Variants in SAP30BP observed in about 807,000 individuals in gnomAD.
The protein encoded by SAP30BP is SAP30-binding protein.
In SAP30BP, 31 loss-of-function variants were observed where a neutral mutation model predicts 46.3. The observed-to-expected ratio is 0.67, with a 90% CI of 0.50 to 0.90. The LOEUF (loss-of-function observed/expected upper bound fraction) is 0.90. SAP30BP is among the 40% of genes least tolerant of loss of function. The pLI is 0.00. For synonymous variants in SAP30BP, 169 were observed against 144.2 expected (o/e 1.17, Z -1.23); for missense variants, 312 against 391.0 (o/e 0.80, Z 1.70).
intron 3 of SAP30BP, chr17:75,672,172 T>C: frequency 2.7e-6 from 1 of 368,086 alleles, no homozygotes; most frequent in Non-Finnish European, 5.2e-6. Flanking sequence ...TAAGTGTCAC[T>C]GCCCTGCAGG....
At chr17:75,681,131 T>TA (rs2060069528) in intron 3 of SAP30BP, among the ~76,000 whole-genome samples, 1 of 152,196 alleles carries the variant, frequency 6.6e-6, no homozygotes, top group African/African-American at 2.4e-5. Context: ...AGTAGCTGCT[T>TA]AAAAAAATAA....
At chr17:75,680,449 GC>G (rs2148385571) in intron 3 of SAP30BP, among the ~76,000 whole-genome samples, 1 of 152,324 alleles carries the variant, frequency 6.6e-6, no homozygotes, top group Non-Finnish European at 1.5e-5. Flanking sequence ...CCCTGGCCTG[GC>G]TTCCCTCTGG....
rs868412342 is a variant in SAP30BP at position 75,698,981 on chromosome 17, C to T, written c.308-802C>T. 2.6e-5 allele frequency among the ~76,000 whole-genome samples: 4 copies of T among 152,216 alleles called. No homozygotes were observed. The Middle Eastern group carries it at 0.01, about 388-fold the overall frequency. ...GCTGAGGCTGGAGGATGGCTTGATC[C>T]AACAGTTCAAGACCAGCCTGGGCAA... On this transcript the variant is annotated intron_variant, in intron 4 of 10. Coordinates refer to ENST00000584667, the MANE Select transcript of SAP30BP (RefSeq NM_013260.8).
intron 3 of SAP30BP, among the ~76,000 whole-genome samples, chr17:75,677,287 TAG>T (rs2060005628): frequency 6.6e-6 from 1 of 151,742 alleles, no homozygotes; most frequent in East Asian, 1.9e-4. Flanking sequence ...GTGTTTTTAG[TAG>T]AGACAGGGTT....
intron 3 of SAP30BP, among the ~76,000 whole-genome samples, chr17:75,688,673 G>A (rs1479070210): frequency 2.0e-5 from 3 of 152,152 alleles, no homozygotes; most frequent in African/African-American, 7.2e-5. Flanking sequence ...TCAGGACTTG[G>A]TACTTCTCTG....
chr17:75,699,531 T>A (rs1413945129), intron 4 of SAP30BP, among the ~76,000 whole-genome samples: 1 of 150,462 alleles, frequency 6.6e-6, no homozygotes, highest in African/African-American at 2.4e-5. Context: ...AACGGAAAAG[T>A]TAACTGCTGT....
At chr17:75,675,932 T>A (rs2059983277) in intron 3 of SAP30BP, among the ~76,000 whole-genome samples, 1 of 152,036 alleles carries the variant, frequency 6.6e-6, no homozygotes, top group Non-Finnish European at 1.5e-5. Context: ...AACAAACCTA[T>A]TACATATTAA....
intron 3 of SAP30BP, among the ~76,000 whole-genome samples, chr17:75,675,580 A>G (rs766711283): frequency 6.6e-6 from 1 of 152,168 alleles, no homozygotes; most frequent in Admixed American, 6.5e-5. Context: ...TTACTATTTT[A>G]TAAGTTAAAA....
intron 4 of SAP30BP, among the ~76,000 whole-genome samples, chr17:75,693,946 G>C (rs2060276630): frequency 6.6e-6 from 1 of 152,158 alleles, no homozygotes; most frequent in Non-Finnish European, 1.5e-5. Context: ...TTTGTGATTT[G>C]GGAGGAGCAG....
rs200919459 is a variant in SAP30BP, at chr17:75,699,872, G to A, written c.396+1G>A. ...TGGCAGATGTTCAAATCACTTGCAA[G>A]TAAGCATGAGACTCGGCTACTGAGG... is the stretch of plus-strand genomic sequence containing the variant. On this transcript the variant is annotated splice_donor_variant, in intron 5 of 10. Transcript: ENST00000584667. LOFTEE classifies it high-confidence loss of function. 378 of 1,608,388 alleles carry A rather than the reference G, an allele frequency of 2.4e-4. No individual in the cohort carries two copies. Among genetic ancestry groups the A allele is most frequent in the Non-Finnish European group, 3.6e-5 (42 of 1,174,954 alleles).
chr17:75,681,553 T>C (rs1010567804), intron 3 of SAP30BP, among the ~76,000 whole-genome samples: 6 of 152,232 alleles, frequency 3.9e-5, no homozygotes, highest in Non-Finnish European at 8.8e-5. Flanking sequence ...GAATCAAATA[T>C]CTGAAAACTG....
At chr17:75,676,067 T>C (rs1413503781) in intron 3 of SAP30BP, among the ~76,000 whole-genome samples, 1 of 152,272 alleles carries the variant, frequency 6.6e-6, no homozygotes, top group Admixed American at 6.5e-5. Flanking sequence ...TGGGTACATA[T>C]AACTGCTTTT....
At chr17:75,690,130 T>A (rs2060220654) in intron 3 of SAP30BP, among the ~76,000 whole-genome samples, 1 of 152,232 alleles carries the variant, frequency 6.6e-6, no homozygotes, top group South Asian at 2.1e-4. Flanking sequence ...AAATACTTTT[T>A]TTTAAATTAT....
chr17:75,678,876 T>G (rs2060032792), intron 3 of SAP30BP, among the ~76,000 whole-genome samples: 1 of 152,174 alleles, frequency 6.6e-6, no homozygotes, highest in African/African-American at 2.4e-5. Flanking sequence ...GCGCGCAGAA[T>G]TCCACAGAAG....
At position 75,699,803 on chromosome 17, in the gene SAP30BP, C is replaced by G; in HGVS notation, c.328C>G (p.Arg110Gly). ...ELVASFSERVRNMSPDEIKIP... is the reference protein window; with the variant it reads ...ELVASFSERVGNMSPDEIKIP... ...AACAGCCTCCTTTTCTGAAAGAGTT[C>G]GGAACATGTCGCCTGATGAAATCAA... The change falls in exon 5 of 11, where the codon CGG becomes GGG. Residue 110 changes from arginine to glycine, a missense_variant. This residue lies in a region of SAP30BP where 296 missense variants were observed against 346.6 expected (regional missense o/e 0.85). Coordinates refer to ENST00000584667, the MANE Select transcript of SAP30BP (RefSeq NM_013260.8). 6.2e-7 allele frequency: 1 copy of G among 1,613,120 alleles called. No homozygotes were observed. The highest frequency in any genetic ancestry group is 8.5e-7 in the Non-Finnish European group (1 of 1,179,184).
At position 75,673,761 on chromosome 17, in the gene SAP30BP, G is replaced by A. The variant is rs533928074; in HGVS notation, c.264+1898G>A. ...GTAGCAGTCACTAAAGAGCGGGGTG[G>A]GAGGGACCCAAAAAAGGTGAAGCTG... On this transcript the variant is annotated intron_variant, in intron 3 of 10. Coordinates refer to ENST00000584667, the MANE Select transcript of SAP30BP (RefSeq NM_013260.8). 2.0e-5 allele frequency among the ~76,000 whole-genome samples: 3 copies of A among 152,242 alleles called. No homozygotes were observed. The South Asian group carries it at 6.2e-4, about 32-fold the overall frequency.
chr17:75,672,498 AC>A (rs1479802782), intron 3 of SAP30BP, among the ~76,000 whole-genome samples: 4 of 152,184 alleles, frequency 2.6e-5, no homozygotes, highest in Non-Finnish European at 5.9e-5. Context: ...AGGTTAAGAC[AC>A]CCTTGTGTTG....
In SAP30BP at chr17:75,706,320, G is replaced by T; in HGVS notation, c.746-20G>T. 6.2e-7 allele frequency: 1 copy of T among 1,609,462 alleles called. No homozygotes were observed. Among genetic ancestry groups the T allele is most frequent in the South Asian group, 1.1e-5 (1 of 91,030 alleles). On this transcript the variant is annotated intron_variant, in intron 10 of 10. Coordinates refer to ENST00000584667, the MANE Select transcript of SAP30BP (RefSeq NM_013260.8). The surrounding 1 kb of genome is among the most constrained non-coding windows in gnomAD (Gnocchi z 4.6). Reference sequence around the variant, plus strand: ...CCGCTCATTGGTGGATCGTGATCCTGATTTCTGCTTTATCTCCAGATGCTC... The same window carrying T: ...CCGCTCATTGGTGGATCGTGATCCTTATTTCTGCTTTATCTCCAGATGCTC...
intron 3 of SAP30BP, among the ~76,000 whole-genome samples, chr17:75,687,342 G>T (rs1269908383): frequency 1.3e-5 from 2 of 152,180 alleles, no homozygotes; most frequent in South Asian, 2.1e-4. Flanking sequence ...AGGGCCAGAT[G>T]TGGTGGCTCA....
Sources: allele counts gnomAD v4.1 joint callset (sites outside exome capture counted in the v4.1 genomes callset), GRCh38; gene constraint gnomAD v4.1.1; regional missense constraint gnomAD v4.1.1; non-coding constraint Gnocchi (gnomAD v3.1); transcripts MANE v1.5; gene names NCBI Gene and HGNC (gene_info 2026-07-23, HGNC 2026-07-21).